The following PCDH15 variants were observed in gnomAD, a reference collection of about 807,000 sequenced individuals.
PCDH15 encodes protocadherin-15.
In PCDH15, 129 loss-of-function variants were observed where a neutral mutation model predicts 178.5. That is an observed-to-expected ratio of 0.72 (90% confidence interval 0.63 to 0.84). PCDH15 has a LOEUF of 0.84. PCDH15 is among the 40% of genes least tolerant of loss of function. The pLI is 0.00. For synonymous variants in PCDH15, 800 were observed against 732.0 expected, an observed-to-expected ratio of 1.09 and a Z score of -1.50; for missense variants, 2,230 against 2,099.9, an observed-to-expected ratio of 1.06 and a Z score of -1.21.
intron 3 of PCDH15, among the ~76,000 whole-genome samples, chr10:54,463,809 GA>G (rs200625230): frequency 3.4e-5 from 5 of 148,774 alleles, no homozygotes; most frequent in African/African-American, 4.9e-5. Context: ...TAGGGCTAGA[GA>G]AAAAAAAAGG....
At chr10:54,167,280 C>T (rs189470473) in intron 13 of PCDH15, among the ~76,000 whole-genome samples, 12 of 152,116 alleles carry the variant, frequency 7.9e-5, no homozygotes, top group African/African-American at 2.7e-4. Context: ...ATCAGGTAAG[C>T]GGCCTCTTCT....
At chr10:55,558,815 A>G (rs966751470) in intron 2 of PCDH15, among the ~76,000 whole-genome samples, 3 of 152,174 alleles carry the variant, frequency 2.0e-5, no homozygotes, top group African/African-American at 7.2e-5. Flanking sequence ...TACCTACCTT[A>G]AATAGAGGTA....
chr10:55,392,009 T>C (rs955372442), intron 2 of PCDH15, among the ~76,000 whole-genome samples: 3 of 152,178 alleles, frequency 2.0e-5, no homozygotes, highest in Non-Finnish European at 2.9e-5. Context: ...AGTTTCATTA[T>C]AGTTGTGAAT....
At chr10:54,379,354 T>C (rs1023485451) in intron 3 of PCDH15, among the ~76,000 whole-genome samples, 2 of 152,158 alleles carry the variant, frequency 1.3e-5, no homozygotes, top group African/African-American at 4.8e-5. Context: ...ATTGTGAAAC[T>C]AAGAAAGGAA....
rs200029031 is a variant in PCDH15, at chr10:53,889,089, T to G, written c.3501+14154A>C. On this transcript the variant is annotated intron_variant, in intron 26 of 37. Coordinates refer to ENST00000644397, the MANE Select transcript of PCDH15 (RefSeq NM_001384140.1). Reference sequence around the variant, plus strand: ...ACACACAAAAAAATCCCATATGGACTGTAAATCTAAACATAAAATATGAAA... The same window carrying G: ...ACACACAAAAAAATCCCATATGGACGGTAAATCTAAACATAAAATATGAAA... Among the ~76,000 whole-genome samples, 206 of 151,654 alleles carry G rather than the reference T, an allele frequency of 1.4e-3. 1 individual carries two copies. The highest frequency in any genetic ancestry group is 6.4e-3 in the East Asian group (33 of 5,136).
intron 8 of PCDH15, among the ~76,000 whole-genome samples, chr10:54,258,281 A>T (rs1275811242): frequency 1.3e-5 from 2 of 152,224 alleles, no homozygotes; most frequent in African/African-American, 4.8e-5. Flanking sequence ...GAGAAGGAAA[A>T]TATAAACAGT....
At chr10:53,878,562 A>C (rs1159969921) in intron 26 of PCDH15, among the ~76,000 whole-genome samples, 1 of 148,658 alleles carries the variant, frequency 6.7e-6, no homozygotes, top group Non-Finnish European at 1.5e-5. Flanking sequence ...TAAAGCAATC[A>C]AACCTCAGCT....
chr10:54,107,662 G>A (rs1156284041), intron 15 of PCDH15, among the ~76,000 whole-genome samples: 1 of 152,160 alleles, frequency 6.6e-6, no homozygotes, highest in Non-Finnish European at 1.5e-5. Flanking sequence ...ATGAAGTGGG[G>A]GACAGCAGCA....
upstream of PCDH15, among the ~76,000 whole-genome samples, chr10:54,805,421 G>A (rs1158153500): frequency 1.3e-5 from 2 of 152,178 alleles, no homozygotes; most frequent in Non-Finnish European, 2.9e-5. Flanking sequence ...ATTCAAAGCT[G>A]TTGGTTATAA....
intron 2 of PCDH15, among the ~76,000 whole-genome samples, chr10:55,375,998 T>A (rs567151500): frequency 2.0e-5 from 3 of 152,030 alleles, no homozygotes; most frequent in Non-Finnish European, 4.4e-5. Flanking sequence ...AATATAACAT[T>A]TTAGTTTAGG....
intron 20 of PCDH15, among the ~76,000 whole-genome samples, chr10:53,999,218 C>T (rs1264801985): frequency 2.0e-5 from 3 of 152,112 alleles, no homozygotes; most frequent in African/African-American, 7.2e-5. Context: ...CCTTGTTGAG[C>T]TATATGGCTG....
At chr10:55,457,618 A>G (rs1839582400) in intron 2 of PCDH15, among the ~76,000 whole-genome samples, 1 of 151,964 alleles carries the variant, frequency 6.6e-6, no homozygotes, top group South Asian at 2.1e-4. Context: ...GCAAGTTCCA[A>G]TATGTTTCCA....
At chr10:55,240,465 TTG>T (rs1266772023) in intron 1 of PCDH15, among the ~76,000 whole-genome samples, 29 of 152,210 alleles carry the variant, frequency 1.9e-4, no homozygotes, top group African/African-American at 6.8e-4. Context: ...ATTTTCAGAA[TTG>T]TGTTTAGTCT....
intron 1 of PCDH15, among the ~76,000 whole-genome samples, chr10:55,266,006 G>A (rs112714099): frequency 3.9e-5 from 6 of 151,966 alleles, no homozygotes; most frequent in Admixed American, 6.6e-5. Flanking sequence ...CTAAAGATAC[G>A]GCAAAAACAG....
At chr10:54,872,091 C>G (rs1414738634) in intron 3 of PCDH15, among the ~76,000 whole-genome samples, 3 of 151,976 alleles carry the variant, frequency 2.0e-5, no homozygotes, top group Non-Finnish European at 4.4e-5. Flanking sequence ...AATAAAGTGT[C>G]TTTAAGTCCT....
At chr10:55,423,778 A>C (rs1838682220) in intron 2 of PCDH15, among the ~76,000 whole-genome samples, 1 of 152,112 alleles carries the variant, frequency 6.6e-6, no homozygotes, top group Admixed American at 6.6e-5. Context: ...GATTTTAATT[A>C]AGCAAGATAC....
At chr10:53,934,555 G>A (rs141482375) in intron 25 of PCDH15, among the ~76,000 whole-genome samples, 28 of 150,356 alleles carry the variant, frequency 1.9e-4, no homozygotes, top group Middle Eastern at 3.4e-3. Context: ...CCCAGATCAC[G>A]CCACTGCACT....
intron 8 of PCDH15, among the ~76,000 whole-genome samples, chr10:54,304,315 T>C (rs1488452463): frequency 6.6e-6 from 1 of 152,094 alleles, no homozygotes; most frequent in African/African-American, 2.4e-5. Flanking sequence ...AAATAAAACT[T>C]TTTTATTAAT....
At chr10:55,354,854 CAG>C (rs1845036031) in intron 2 of PCDH15, among the ~76,000 whole-genome samples, 1 of 151,926 alleles carries the variant, frequency 6.6e-6, no homozygotes, top group African/African-American at 2.4e-5. Flanking sequence ...AATCAAGACA[CAG>C]AGCAATTCTA....
Sources: allele counts gnomAD v4.1 joint callset (sites outside exome capture counted in the v4.1 genomes callset), GRCh38; gene constraint gnomAD v4.1.1; transcripts MANE v1.5; gene names NCBI Gene and HGNC (gene_info 2026-07-23, HGNC 2026-07-21).